KCNQ4: variants seen among roughly 807,000 people sequenced by gnomAD.
The protein encoded by KCNQ4 is potassium voltage-gated channel subfamily KQT member 4.
KCNQ4 carries 31 observed loss-of-function variants against 72.6 expected under a neutral mutation model. That is an observed-to-expected ratio of 0.43 (90% CI 0.32 to 0.58). The LOEUF (loss-of-function observed/expected upper bound fraction) is 0.58. Among genes scored for constraint, KCNQ4 ranks in the 20% least tolerant of loss-of-function variants. KCNQ4 has a pLI of 0.08. For synonymous variants in KCNQ4, 405 were observed against 403.7 expected (o/e 1.00, Z -0.04); for missense variants, 869 against 962.6 (o/e 0.90, Z 1.29).
At chr1:40,819,596 G>T in intron 5 of KCNQ4, 124 bp downstream of exon 5, 1 of 1,348,046 alleles carries the variant, frequency 7.4e-7, no homozygotes. Flanking sequence ...TCTCACTAGA[G>T]CTGGGACCCC....
chr1:40,822,647 C>T (rs1048056619), intron 8 of KCNQ4, among the ~76,000 whole-genome samples: 9 of 152,324 alleles, frequency 5.9e-5, no homozygotes, highest in East Asian at 1.9e-4. Flanking sequence ...CATGGCTGAA[C>T]CCCGGCCCTG....
chr1:40,833,008 T>A lies in KCNQ4; in HGVS notation c.1514-6T>A. 1 of 1,612,848 alleles carries A rather than the reference T, an allele frequency of 6.2e-7. No homozygotes were observed. The highest frequency in any genetic ancestry group is 1.1e-5 in the South Asian group (1 of 91,060). On this transcript the variant is annotated splice_region_variant and splice_polypyrimidine_tract_variant and intron_variant, in intron 10 of 13. Coordinates refer to ENST00000347132, the MANE Select transcript of KCNQ4 (RefSeq NM_004700.4). ...TGGGCCACTTGCCCCATACCTGCCTTTTCAGATGCCCCCTCAGAGGAAGTA... is the reference window on the plus strand; with the variant it reads ...TGGGCCACTTGCCCCATACCTGCCTATTCAGATGCCCCCTCAGAGGAAGTA...
Position 40,819,399 on chromosome 1 carries a change from T to G in KCNQ4, c.761T>G (p.Phe254Cys), listed in dbSNP as rs1404474371. The part of the protein sequence containing the change: ...IGFLVLIFAS[F>C]LVYLAEKDAN... ...TTCCTGGTGCTCATCTTCGCCTCCTTCCTGGTCTACCTGGCTGAGAAGGAC... is the reference window on the plus strand; with the variant it reads ...TTCCTGGTGCTCATCTTCGCCTCCTGCCTGGTCTACCTGGCTGAGAAGGAC... Residue 254 changes from phenylalanine to cysteine, a missense_variant, in exon 5 of 14, where the codon TTC becomes TGC. Coordinates refer to ENST00000347132, the MANE Select transcript of KCNQ4 (RefSeq NM_004700.4). The G allele has an allele frequency of 6.2e-7, 1 of 1,613,874 alleles. No individual in the cohort carries two copies. Among genetic ancestry groups the G allele is most frequent in the African/African-American group, 1.3e-5 (1 of 74,994 alleles).
chr1:40,835,109 C>T lies in KCNQ4; in HGVS notation c.1745+11C>T, dbSNP rs773907452. 1.7e-5 allele frequency: 27 copies of T among 1,611,634 alleles called. No homozygotes were observed. Among genetic ancestry groups the T allele is most frequent in the African/African-American group, 2.7e-5 (2 of 74,836 alleles). ...GAGCCTGCAAACTCGGTGGGTGCAC[C>T]GGGCCTGTTGGGAGGCAGGGGCAGG... is the stretch of plus-strand genomic sequence containing the variant. On this transcript the variant is annotated intron_variant, in intron 12 of 13. Coordinates refer to ENST00000347132, the MANE Select transcript of KCNQ4 (RefSeq NM_004700.4).
Position 40,817,235 on chromosome 1 carries a change from C to T in KCNQ4, c.315-30C>T. On this transcript the variant is annotated intron_variant, in intron 1 of 13. Coordinates refer to ENST00000347132, the MANE Select transcript of KCNQ4 (RefSeq NM_004700.4). The surrounding 1 kb of genome is among the most constrained non-coding windows in gnomAD (Gnocchi z 5.5). ...TTGGCTGTCCTGTCCCTCCAACAAT[C>T]TAACCCTCTCCCTCATGTTGTAATT... 2 of 1,594,080 alleles carry T rather than the reference C, an allele frequency of 1.3e-6. No individual in the cohort carries two copies. The highest frequency in any genetic ancestry group is 1.7e-6 in the Non-Finnish European group (2 of 1,163,278).
intron 1 of KCNQ4, among the ~76,000 whole-genome samples, chr1:40,809,145 G>C (rs894440751): frequency 6.6e-6 from 1 of 152,112 alleles, no homozygotes; most frequent in Non-Finnish European, 1.5e-5. Flanking sequence ...TGTTCTTCAC[G>C]TGGCCTCTCT....
At chr1:40,816,132 C>T (rs574010928) in intron 1 of KCNQ4, among the ~76,000 whole-genome samples, 2 of 152,246 alleles carry the variant, frequency 1.3e-5, no homozygotes, top group African/African-American at 2.4e-5. Context: ...TAGCATGCAC[C>T]GTGCCAGCAA....
chr1:40,819,468 G>C lies in KCNQ4; in HGVS notation c.830G>C (p.Gly277Ala). Residue 277 changes from glycine to alanine, a missense_variant, in exon 5 of 14, where the codon GGG becomes GCG. Gly to Ala is a moderately conservative substitution (Grantham distance 60). Around this residue, in one of 5 missense-constraint regions of KCNQ4, gnomAD observed 179 missense variants for 243.0 expected, o/e 0.74. Coordinates refer to ENST00000347132, the MANE Select transcript of KCNQ4 (RefSeq NM_004700.4). The part of the protein sequence containing the change: ...FSSYADSLWW[G>A]TITLTTIGYG... ...TCCTACGCCGACTCGCTCTGGTGGG[G>C]GACGGTGCGTGAGGGTCTTTGTAGG... The C allele has an allele frequency of 2.5e-6, 4 of 1,613,878 alleles. No homozygotes were observed. Among genetic ancestry groups the C allele is most frequent in the Non-Finnish European group, 2.5e-6 (3 of 1,179,932 alleles).
intron 4 of KCNQ4, 171 bp downstream of exon 4, chr1:40,818,851 T>G (rs1648187683): frequency 3.6e-5 from 24 of 667,896 alleles, no homozygotes; most frequent in African/African-American, 1.1e-4. Flanking sequence ...TGGGGCGAAG[T>G]GGATTCTGAA....
chr1:40,833,246 T>G (rs1648707596), intron 11 of KCNQ4, 133 bp downstream of exon 11: 1 of 660,382 alleles, frequency 1.5e-6, no homozygotes, highest in Non-Finnish European at 2.7e-6. Flanking sequence ...CCGTCTCTAC[T>G]AAAAATACAA....
At chr1:40,796,717 G>A (rs1260684880) in intron 1 of KCNQ4, among the ~76,000 whole-genome samples, 1 of 152,138 alleles carries the variant, frequency 6.6e-6, no homozygotes, top group East Asian at 1.9e-4. Context: ...AGGAGTTCGA[G>A]ACTAGCCTGG....
chr1:40,837,376 C>T (rs180762614), intron 12 of KCNQ4, among the ~76,000 whole-genome samples: 72 of 152,358 alleles, frequency 4.7e-4, no homozygotes, highest in Admixed American at 4.1e-3. Context: ...TATAGGCATG[C>T]GCCACTGCGC....
intron 9 of KCNQ4, among the ~76,000 whole-genome samples, chr1:40,824,851 G>A (rs2148324799): frequency 6.6e-6 from 1 of 152,342 alleles, no homozygotes; most frequent in Admixed American, 6.5e-5. Context: ...GCCCTTGTCT[G>A]CAACTTTGCT....
chr1:40,839,031 A>G lies in KCNQ4; in HGVS notation c.*508A>G. The G allele has an allele frequency of 5.1e-6, 1 of 196,016 alleles. No homozygotes were observed. Among genetic ancestry groups the G allele is most frequent in the Non-Finnish European group, 1.1e-5 (1 of 93,482 alleles). 12.1% of individuals were successfully genotyped at this position (196,016 alleles called of 1,614,324 possible). A position where few individuals can be genotyped will look rare whatever the true frequency, so the allele number is the denominator to read the frequency against. On this transcript the variant is annotated 3_prime_UTR_variant, in exon 14 of 14. Transcript: ENST00000347132. The stretch of plus-strand genomic sequence containing the variant: ...CCCTGCCACAAGGCAGGTGGACACC[A>G]TATATGCAAACCATGTTAAATATGC...
intron 1 of KCNQ4, among the ~76,000 whole-genome samples, chr1:40,802,258 G>A (rs956298939): frequency 1.3e-5 from 2 of 152,120 alleles, no homozygotes; most frequent in Admixed American, 6.5e-5. Context: ...CGAGGCCGAG[G>A]CGGCGGTGGC....
rs950305181 is a variant in KCNQ4, at chr1:40,823,193, T to C, written c.1130+791T>C. Among the ~76,000 whole-genome samples the C allele has an allele frequency of 5.3e-5, 8 of 152,290 alleles. No individual in the cohort carries two copies. In the South Asian group the frequency reaches 8.3e-4, roughly 16 times the overall value. ...CCTCTGCACCTGGCTTCCCCATCCCTGCGCCCTCCCAGCCCTAGGGGCTTC... is the reference window on the plus strand; with the variant it reads ...CCTCTGCACCTGGCTTCCCCATCCCCGCGCCCTCCCAGCCCTAGGGGCTTC... On this transcript the variant is annotated intron_variant, in intron 8 of 13. Coordinates refer to ENST00000347132, the MANE Select transcript of KCNQ4 (RefSeq NM_004700.4).
intron 1 of KCNQ4, among the ~76,000 whole-genome samples, chr1:40,795,771 TCA>T (rs1647392199): frequency 6.6e-6 from 1 of 151,570 alleles, no homozygotes; most frequent in African/African-American, 2.4e-5. Context: ...GGAGGACAGC[TCA>T]GAGATGCCCA....
rs1255119444 is a variant in KCNQ4, at chr1:40,794,724, A to C, written c.314+10317A>C. On this transcript the variant is annotated intron_variant, in intron 1 of 13. Coordinates refer to ENST00000347132, the MANE Select transcript of KCNQ4 (RefSeq NM_004700.4). This position sits in a 1 kb window ranked among gnomAD's most constrained non-coding sequence, Gnocchi z 4.2. ...TATGAAATGATGGGCTGGGAAAAAAATGTCCTTGCTTGGCAAAATAAAAAG... is the reference window on the plus strand; with the variant it reads ...TATGAAATGATGGGCTGGGAAAAAACTGTCCTTGCTTGGCAAAATAAAAAG... Among the ~76,000 whole-genome samples, 1 of 152,188 alleles carries C rather than the reference A, an allele frequency of 6.6e-6. No homozygotes were observed. The highest frequency in any genetic ancestry group is 2.4e-5 in the African/African-American group (1 of 41,446).
chr1:40,789,980 A>C (rs1647248144), intron 1 of KCNQ4, among the ~76,000 whole-genome samples: 1 of 152,218 alleles, frequency 6.6e-6, no homozygotes, highest in Admixed American at 6.5e-5. Flanking sequence ...CTTGTGGGCT[A>C]TGGAGCCCCC....
Sources: allele counts gnomAD v4.1 joint callset (sites outside exome capture counted in the v4.1 genomes callset), GRCh38; gene constraint gnomAD v4.1.1; regional missense constraint gnomAD v4.1.1; non-coding constraint Gnocchi (gnomAD v3.1); transcripts MANE v1.5; gene names NCBI Gene and HGNC (gene_info 2026-07-23, HGNC 2026-07-21).